CACNA1B: variants seen among roughly 807,000 people sequenced by gnomAD.
The protein encoded by CACNA1B is calcium voltage-gated channel subunit alpha1 B, also known as voltage-dependent N-type calcium channel subunit alpha-1B.
CACNA1B carries 70 observed loss-of-function variants against 247.2 expected under a neutral mutation model. The ratio of observed to expected loss-of-function variants is 0.28; its 90% CI spans 0.23 to 0.35. The LOEUF is 0.35. Among genes scored for constraint, CACNA1B ranks in the 10% least tolerant of loss-of-function variants. The probability of loss-of-function intolerance (pLI) is 1.00; values close to 1 mark genes in which losing one functional copy is unlikely to be tolerated. For synonymous variants in CACNA1B, 1,231 were observed against 1,294.4 expected (o/e 0.95, Z 1.05); for missense variants, 2,367 against 3,197.4 (o/e 0.74, Z 6.26).
At chr9:137,911,834 G>A (rs1360955023) in intron 3 of CACNA1B, among the ~76,000 whole-genome samples, 2 of 152,230 alleles carry the variant, frequency 1.3e-5, no homozygotes, top group Admixed American at 6.5e-5. Context: ...CGCGTTAGAG[G>A]CAGAGCCAGC....
rs373295486 is a variant in CACNA1B at position 138,025,162 on chromosome 9, G to A, written c.3276G>A (p.Thr1092=). The change falls in exon 20 of 47, where the codon ACG becomes ACA. Residue 1092 remains threonine (T), a synonymous_variant. Coordinates refer to ENST00000371372, the MANE Select transcript of CACNA1B (RefSeq NM_000718.4). The stretch of plus-strand genomic sequence containing the variant: ...TGACGGGCCCTCTTGGGGAAGCCAC[G>A]GTCGTTCCCAGTGAGTATCTCCCTG... ...VMLTGPLGEA[T]VVPSGNVDLE... 8 of 1,607,638 alleles carry A rather than the reference G, an allele frequency of 5.0e-6. No homozygotes were observed. Among genetic ancestry groups the A allele is most frequent in the Non-Finnish European group, 6.8e-6 (8 of 1,176,392 alleles).
At chr9:137,930,911 T>C (rs1231145334) in intron 6 of CACNA1B, among the ~76,000 whole-genome samples, 2 of 152,244 alleles carry the variant, frequency 1.3e-5, no homozygotes, top group East Asian at 1.9e-4. Flanking sequence ...GCCACTCCAA[T>C]TTAAAAAAAT....
intron 6 of CACNA1B, among the ~76,000 whole-genome samples, chr9:137,930,973 C>A (rs1391413708): frequency 6.6e-6 from 1 of 152,016 alleles, no homozygotes; most frequent in Non-Finnish European, 1.5e-5. Flanking sequence ...TGGAGACAGT[C>A]TCACTGTCAC....
At chr9:138,081,236 T>C (rs1293458626) in intron 36 of CACNA1B, among the ~76,000 whole-genome samples, 1 of 152,336 alleles carries the variant, frequency 6.6e-6, no homozygotes, top group African/African-American at 2.4e-5. Context: ...TCACTAGACA[T>C]GTCCAGGATG....
In CACNA1B at chr9:137,957,991, A is replaced by C. The variant is rs1047179183; in HGVS notation, c.1333+304A>C. Among the ~76,000 whole-genome samples, 3 of 152,146 alleles carry C rather than the reference A, an allele frequency of 2.0e-5. No homozygotes were observed. The highest frequency in any genetic ancestry group is 4.8e-5 in the African/African-American group (2 of 41,412). On this transcript the variant is annotated intron_variant, in intron 10 of 46. Coordinates refer to ENST00000371372, the MANE Select transcript of CACNA1B (RefSeq NM_000718.4). The surrounding 1 kb of genome is among the most constrained non-coding windows in gnomAD (Gnocchi z 4.7). ...TCATCCCCTACCTCTCAAATAGTAC[A>C]AGGAACATTCTGGTTAATTTATCCA...
intron 10 of CACNA1B, among the ~76,000 whole-genome samples, chr9:137,966,297 T>C (rs939216533): frequency 3.3e-5 from 5 of 151,556 alleles, no homozygotes; most frequent in African/African-American, 9.7e-5. Context: ...CGATCTTGGC[T>C]CACTGCAAGC....
Position 137,974,251 on chromosome 9 carries a change from G to A in CACNA1B, c.1544-1656G>A, listed in dbSNP as rs1158890593. 6.6e-6 allele frequency among the ~76,000 whole-genome samples: 1 copy of A among 152,192 alleles called. No homozygotes were observed. Among genetic ancestry groups the A allele is most frequent in the African/African-American group, 2.4e-5 (1 of 41,436 alleles). On this transcript the variant is annotated intron_variant, in intron 11 of 46. Transcript: ENST00000371372. This position sits in a 1 kb window ranked among gnomAD's most constrained non-coding sequence, Gnocchi z 4.5. ...GTAGGGTCCAGTGGTCTCAGTTGAG[G>A]GTGGATCCTTCCATTCCCGAGCAGC...
intron 12 of CACNA1B, among the ~76,000 whole-genome samples, chr9:137,979,720 C>T (rs937704002): frequency 2.6e-5 from 4 of 152,186 alleles, no homozygotes; most frequent in African/African-American, 9.7e-5. Context: ...GCTCAAAATC[C>T]AGAATCTCAT....
chr9:138,109,796 G>A (rs956226742), intron 39 of CACNA1B, among the ~76,000 whole-genome samples: 7 of 152,196 alleles, frequency 4.6e-5, no homozygotes, highest in Admixed American at 1.3e-4. Flanking sequence ...AAGGCCAGGC[G>A]TTGGTGGCTC....
intron 6 of CACNA1B, among the ~76,000 whole-genome samples, chr9:137,940,046 C>A (rs1371307183): frequency 1.3e-5 from 2 of 151,606 alleles, no homozygotes; most frequent in African/African-American, 2.4e-5. Context: ...AAACCCAAAC[C>A]CAGCAGAAGA....
At position 138,046,976 on chromosome 9, in the gene CACNA1B, G is replaced by A. The variant is rs749827150; in HGVS notation, c.3486G>A (p.Leu1162=). The change falls in exon 22 of 47, where the codon TTG becomes TTA. Residue 1162 remains leucine, a synonymous_variant. Transcript: ENST00000371372. ...TGGTCATTCTCGTGGTCATCGCCTT[G>A]AGCAGCATCGCCCTGGCTGCTGAGG... is the stretch of plus-strand genomic sequence containing the variant. ...FEVVILVVIA[L]SSIALAAEDP... 26 of 1,613,656 alleles carry A rather than the reference G, an allele frequency of 1.6e-5. No homozygotes were observed. In the South Asian group the frequency reaches 2.6e-4, roughly 16 times the overall value.
chr9:137,903,993 G>T (rs947783864), intron 3 of CACNA1B, among the ~76,000 whole-genome samples: 2 of 152,226 alleles, frequency 1.3e-5, no homozygotes, highest in Non-Finnish European at 2.9e-5. Flanking sequence ...TTTGTTTGCT[G>T]ATGGGCTTGG....
chr9:138,065,244 C>T (rs116396943), intron 31 of CACNA1B, among the ~76,000 whole-genome samples: 11 of 152,312 alleles, frequency 7.2e-5, no homozygotes, highest in African/African-American at 1.9e-4. Context: ...CACACATACC[C>T]GTTATATCAC....
In CACNA1B at chr9:138,057,669, G is replaced by C. The variant is rs1252232244; in HGVS notation, c.3969-63G>C. 7.9e-6 allele frequency: 12 copies of C among 1,523,626 alleles called. No individual in the cohort carries two copies. The highest frequency in any genetic ancestry group is 9.0e-6 in the Non-Finnish European group (10 of 1,115,594). The allele number at this position is 1,523,626 out of a possible 1,614,324, so 94.4% of individuals were successfully genotyped here. ...CCCACGGAATGGTTTCAACACTCTTGATAGGTGGGTTTATTTGGATCTTTT... is the reference window on the plus strand; with the variant it reads ...CCCACGGAATGGTTTCAACACTCTTCATAGGTGGGTTTATTTGGATCTTTT... On this transcript the variant is annotated intron_variant, in intron 26 of 46. Transcript: ENST00000371372. This position sits in a 1 kb window ranked among gnomAD's most constrained non-coding sequence, Gnocchi z 4.0.
At chr9:137,940,920 A>C (rs1463780926) in intron 6 of CACNA1B, among the ~76,000 whole-genome samples, 2 of 152,224 alleles carry the variant, frequency 1.3e-5, no homozygotes, top group Non-Finnish European at 2.9e-5. Context: ...ACCTCAATGT[A>C]ATAAAAGTCA....
intron 6 of CACNA1B, among the ~76,000 whole-genome samples, chr9:137,939,980 CACAA>C (rs1957714260): frequency 6.6e-6 from 1 of 151,776 alleles, no homozygotes; most frequent in Non-Finnish European, 1.5e-5. Context: ...TCTGAACGAG[CACAA>C]ACAGACAATC....
intron 1 of CACNA1B, among the ~76,000 whole-genome samples, 188 bp downstream of exon 1, chr9:137,878,405 G>A (rs943569596): frequency 3.9e-5 from 6 of 152,078 alleles, no homozygotes; most frequent in African/African-American, 9.7e-5. Context: ...AGTGCGGCGG[G>A]CGCGGGGCGG....
intron 32 of CACNA1B, among the ~76,000 whole-genome samples, 189 bp downstream of exon 32, chr9:138,069,952 G>A (rs1031599172): frequency 2.0e-5 from 3 of 152,212 alleles, no homozygotes; most frequent in African/African-American, 7.2e-5. Flanking sequence ...GGGCTTCTGA[G>A]GGCCCTCCTG....
chr9:138,113,512 A>C (rs1265624970), intron 40 of CACNA1B, among the ~76,000 whole-genome samples: 26 of 127,404 alleles, frequency 2.0e-4, no homozygotes, highest in East Asian at 7.9e-4. Flanking sequence ...GAGGGAGCGC[A>C]GGAAGGTGCC....
Sources: gnomAD v4.1 joint callset for allele counts (sites outside exome capture counted in the v4.1 genomes callset) on GRCh38, gnomAD v4.1.1 for gene constraint, Gnocchi (gnomAD v3.1) non-coding constraint, MANE v1.5 for transcripts, NCBI Gene and HGNC (gene_info 2026-07-23, HGNC 2026-07-21) for gene names.